PARP8: variants seen among roughly 807,000 people sequenced by gnomAD.
PARP8 encodes the protein protein mono-ADP-ribosyltransferase PARP8.
Under a neutral mutation model 124.1 loss-of-function variants are expected in PARP8, and 51 were observed. The observed-to-expected ratio is 0.41, with a 90% CI of 0.33 to 0.52. The LOEUF is 0.52. PARP8 is among the 20% of genes least tolerant of loss of function. PARP8 has a pLI of 0.21. For missense variants in PARP8, 860 were observed against 1,018.9 expected (o/e 0.84, Z 2.12); for synonymous variants, 391 against 361.5 (o/e 1.08, Z -0.93).
intron 2 of PARP8, among the ~76,000 whole-genome samples, chr5:50,728,665 A>G (rs1756675253): frequency 2.0e-5 from 3 of 151,830 alleles, no homozygotes; most frequent in Non-Finnish European, 2.9e-5. Context: ...TGAGACCACT[A>G]TTAGAAATAT....
rs114794835 is a variant in PARP8, at chr5:50,811,369, G to T, written c.1576-4063G>T. Among the ~76,000 whole-genome samples the T allele has an allele frequency of 2.2e-3, 336 of 151,846 alleles. 2 individuals carry two copies. The highest frequency in any genetic ancestry group is 7.4e-3 in the African/African-American group (306 of 41,434). On this transcript the variant is annotated intron_variant, in intron 14 of 25. Transcript: ENST00000281631. ...GAAATTTTGCTTGTTTGTTATTCGTGATAGGAAATAGAGAGGTCTCGGTGA... is the reference window on the plus strand; with the variant it reads ...GAAATTTTGCTTGTTTGTTATTCGTTATAGGAAATAGAGAGGTCTCGGTGA...
chr5:50,703,277 G>GT (rs1453596350), intron 2 of PARP8, among the ~76,000 whole-genome samples: 6 of 149,984 alleles, frequency 4.0e-5, no homozygotes, highest in African/African-American at 1.5e-4. Flanking sequence ...TCCAGCCTGG[G>GT]TGACGGAGTG....
intron 2 of PARP8, among the ~76,000 whole-genome samples, chr5:50,692,933 A>G (rs574608538): frequency 6.6e-6 from 1 of 152,226 alleles, no homozygotes; most frequent in Non-Finnish European, 1.5e-5. Flanking sequence ...TTGAAGCAGG[A>G]CTTTATATTT....
chr5:50,829,401 C>A (rs1746699076), intron 21 of PARP8, among the ~76,000 whole-genome samples: 1 of 152,066 alleles, frequency 6.6e-6, no homozygotes, highest in Non-Finnish European at 1.5e-5. Context: ...GCCCAGAACA[C>A]AGAGATAATA....
At chr5:50,712,436 C>A (rs751848077) in intron 2 of PARP8, among the ~76,000 whole-genome samples, 1 of 152,064 alleles carries the variant, frequency 6.6e-6, no homozygotes, top group Non-Finnish European at 1.5e-5. Context: ...TTTTTAGAAT[C>A]TATTCAACTT....
chr5:50,667,482 T>G (rs996753436), intron 1 of PARP8: 28 of 699,064 alleles, frequency 4.0e-5, no homozygotes, highest in Non-Finnish European at 6.8e-5. Flanking sequence ...CCCCGCGTAG[T>G]GCCCGAAGCC....
intron 2 of PARP8, among the ~76,000 whole-genome samples, chr5:50,727,452 A>G (rs1428915065): frequency 6.6e-6 from 1 of 152,132 alleles, no homozygotes; most frequent in Non-Finnish European, 1.5e-5. Context: ...TAGTATGTCA[A>G]CTGCTTTGAT....
intron 5 of PARP8, 78 bp downstream of exon 5, chr5:50,760,440 C>T (rs1240233427): frequency 2.7e-6 from 3 of 1,124,392 alleles, no homozygotes; most frequent in East Asian, 3.1e-5. Context: ...TAGTTAATAG[C>T]ATCATTAGTG....
At chr5:50,804,412 T>C (rs1387585882) in intron 14 of PARP8, among the ~76,000 whole-genome samples, 7 of 152,164 alleles carry the variant, frequency 4.6e-5, no homozygotes, top group Non-Finnish European at 7.4e-5. Context: ...GAATGGAAGA[T>C]TGGATTAGGG....
At chr5:50,725,695 A>G (rs1346340945) in intron 2 of PARP8, among the ~76,000 whole-genome samples, 1 of 152,172 alleles carries the variant, frequency 6.6e-6, no homozygotes, top group East Asian at 1.9e-4. Context: ...AACGGTTTCC[A>G]TTATTTATAC....
chr5:50,836,463 T>C (rs1747594100), intron 25 of PARP8, among the ~76,000 whole-genome samples: 1 of 152,174 alleles, frequency 6.6e-6, no homozygotes, highest in African/African-American at 2.4e-5. Flanking sequence ...GTAACCTGGA[T>C]CTATTAGCAC....
chr5:50,666,913 C>T lies in PARP8; in HGVS notation c.-183C>T. 1.5e-6 allele frequency: 2 copies of T among 1,331,364 alleles called. No homozygotes were observed. Among genetic ancestry groups the T allele is most frequent in the Middle Eastern group, 3.0e-4 (1 of 3,338 alleles). 82.5% of individuals were successfully genotyped at this position (1,331,364 alleles called of 1,614,324 possible). On this transcript the variant is annotated 5_prime_UTR_variant, in exon 1 of 26. Coordinates refer to ENST00000281631, the MANE Select transcript of PARP8 (RefSeq NM_024615.4). The stretch of plus-strand genomic sequence containing the variant: ...GCAAAGCCGACCTCCCCCTCCTCCT[C>T]CTCCTCCCCCTCCTCCTCCTCCTCT...
chr5:50,823,588 AAAG>A (rs1222544155), intron 17 of PARP8, among the ~76,000 whole-genome samples: 2 of 152,220 alleles, frequency 1.3e-5, no homozygotes, highest in African/African-American at 4.8e-5. Flanking sequence ...TAGGAGAAAA[AAAG>A]AACATATTGG....
At chr5:50,813,453 A>T (rs1031947307) in intron 14 of PARP8, among the ~76,000 whole-genome samples, 1 of 152,122 alleles carries the variant, frequency 6.6e-6, no homozygotes, top group African/African-American at 2.4e-5. Flanking sequence ...GTATCCTGAG[A>T]CTTTGCTGAA....
At chr5:50,738,885 A>C in intron 2 of PARP8, 1 of 655,912 alleles carries the variant, frequency 1.5e-6, no homozygotes, top group East Asian at 2.7e-5. Context: ...TGTAATAAAA[A>C]ATTTATTATT....
At chr5:50,783,768 A>G (rs1417865966) in intron 9 of PARP8, among the ~76,000 whole-genome samples, 3 of 152,136 alleles carry the variant, frequency 2.0e-5, no homozygotes, top group Non-Finnish European at 4.4e-5. Context: ...TCATCATTTC[A>G]ATTGCGTGGC....
In PARP8 at chr5:50,759,214, C is replaced by T. The variant is rs1158379017; in HGVS notation, c.185-429C>T. Among the ~76,000 whole-genome samples the T allele has an allele frequency of 3.3e-5, 5 of 152,040 alleles. No individual in the cohort carries two copies. In the East Asian group the frequency reaches 7.7e-4, roughly 23 times the overall value. Reference sequence around the variant, plus strand: ...GACTACAGGTGTGAGCCACTGTGCCCGGCCCACTAATAAATTTTTTTTTTA... The same window carrying T: ...GACTACAGGTGTGAGCCACTGTGCCTGGCCCACTAATAAATTTTTTTTTTA... On this transcript the variant is annotated intron_variant, in intron 3 of 25. Transcript: ENST00000281631.
intron 7 of PARP8, among the ~76,000 whole-genome samples, chr5:50,771,190 G>T (rs535079128): frequency 6.6e-6 from 1 of 150,512 alleles, no homozygotes; most frequent in African/African-American, 2.4e-5. Context: ...ATAGAGTTTT[G>T]CTCTTGTTGC....
intron 14 of PARP8, among the ~76,000 whole-genome samples, chr5:50,806,213 C>G (rs967080469): frequency 1.3e-5 from 2 of 151,888 alleles, no homozygotes; most frequent in Non-Finnish European, 2.9e-5. Flanking sequence ...GTAATTTGTT[C>G]AGTGTTACTG....
Sources: gnomAD v4.1 joint callset for allele counts (sites outside exome capture counted in the v4.1 genomes callset) on GRCh38, gnomAD v4.1.1 for gene constraint, MANE v1.5 for transcripts, NCBI Gene and HGNC (gene_info 2026-07-23, HGNC 2026-07-21) for gene names.